Variants in SLC8A2 observed in about 807,000 individuals in gnomAD.
SLC8A2 encodes the protein solute carrier family 8 member A2.
SLC8A2 carries 14 observed loss-of-function variants against 70.2 expected under a neutral mutation model. The ratio of observed to expected loss-of-function variants is 0.20; its 90% CI spans 0.13 to 0.31. SLC8A2 has a LOEUF of 0.31. Among genes scored for constraint, SLC8A2 ranks in the 10% least tolerant of loss-of-function variants. SLC8A2 has a pLI of 1.00. For synonymous variants in SLC8A2, 575 were observed against 594.3 expected (o/e 0.97, Z 0.47); for missense variants, 779 against 1,320.1 (o/e 0.59, Z 6.35).
Position 47,465,678 on chromosome 19 carries a change from G to T in SLC8A2, c.675+51C>A. ...ACTCCAAGCCAAGAGCACCTCTCTG[G>T]ATTTTGCAGACACACATGCACCAAG... On this transcript the variant is annotated intron_variant, in intron 2 of 9. Coordinates refer to ENST00000236877, the MANE Select transcript of SLC8A2 (RefSeq NM_015063.3). This position sits in a 1 kb window ranked among gnomAD's most constrained non-coding sequence, Gnocchi z 5.5. 6.8e-7 allele frequency: 1 copy of T among 1,461,724 alleles called. No individual in the cohort carries two copies. Among genetic ancestry groups the T allele is most frequent in the South Asian group, 1.3e-5 (1 of 76,440 alleles). The allele number at this position is 1,461,724 out of a possible 1,614,324, so 90.5% of individuals were successfully genotyped here. A position where few individuals can be genotyped will look rare whatever the true frequency, so the allele number is the denominator to read the frequency against.
chr19:47,456,893 C>A (rs1304316547), intron 3 of SLC8A2, 37 bp downstream of exon 3: 3 of 1,537,398 alleles, frequency 2.0e-6, no homozygotes, highest in Non-Finnish European at 8.7e-7. Context: ...ACGGCCTGCG[C>A]CAGCCCCCTG....
chr19:47,461,780 C>T (rs956229113), intron 2 of SLC8A2, among the ~76,000 whole-genome samples: 1 of 152,226 alleles, frequency 6.6e-6, no homozygotes, highest in African/African-American at 2.4e-5. Context: ...AGAAGACAAT[C>T]CCAAACCCCT....
chr19:47,459,746 T>C (rs1364859172), intron 2 of SLC8A2, among the ~76,000 whole-genome samples: 1 of 151,558 alleles, frequency 6.6e-6, no homozygotes, highest in African/African-American at 2.4e-5. Flanking sequence ...TATGTGTACG[T>C]GTGTGTCCAT....
chr19:47,466,316 G>A lies in SLC8A2; in HGVS notation c.88C>T (p.Pro30Ser), dbSNP rs1327381474. The part of the protein sequence containing the change: ...GAATPTPSLP[P>S]PPANDSDTST... Reference sequence around the variant, plus strand: ...GTGTCGCTGTCATTGGCCGGGGGAGGCGGCAGGGAGGGGGTTGGGGTGGCT... The same window carrying A: ...GTGTCGCTGTCATTGGCCGGGGGAGACGGCAGGGAGGGGGTTGGGGTGGCT... Residue 30 changes from proline to serine, a missense_variant, in exon 2 of 10, where the codon CCT becomes TCT. By Grantham distance (74) the Pro-to-Ser change is moderately conservative. Coordinates refer to ENST00000236877, the MANE Select transcript of SLC8A2 (RefSeq NM_015063.3). This position sits in a 1 kb window ranked among gnomAD's most constrained non-coding sequence, Gnocchi z 6.9. 2.7e-6 allele frequency: 4 copies of A among 1,484,180 alleles called. No individual in the cohort carries two copies. The East Asian group carries it at 7.4e-5, about 27-fold the overall frequency. The allele number at this position is 1,484,180 out of a possible 1,614,324, so 91.9% of individuals were successfully genotyped here.
chr19:47,466,016 T>C lies in SLC8A2; in HGVS notation c.388A>G (p.Asn130Asp), dbSNP rs374433930. 1 of 1,614,024 alleles carries C rather than the reference T, an allele frequency of 6.2e-7. No individual in the cohort carries two copies. The highest frequency in any genetic ancestry group is 8.5e-7 in the Non-Finnish European group (1 of 1,180,032). The stretch of plus-strand genomic sequence containing the variant: ...GAGCCCAGGGCCATGAGCGTGAGGT[T>C]GGACACCGTCTCATTCCAGATGCGA... ...TVRIWNETVS[N>D]LTLMALGSSA... is the part of the protein sequence containing the mutation. Residue 130 changes from asparagine to aspartate, a missense_variant, in exon 2 of 10, where the codon AAC (asparagine) becomes GAC (aspartate). Transcript: ENST00000236877. The surrounding 1 kb of genome is among the most constrained non-coding windows in gnomAD (Gnocchi z 6.9).
chr19:47,470,225 G>A (rs1045779971), intron 1 of SLC8A2, among the ~76,000 whole-genome samples: 1 of 152,132 alleles, frequency 6.6e-6, no homozygotes, highest in African/African-American at 2.4e-5. Context: ...CTGATAATAC[G>A]TAAACTGAGG....
At chr19:47,443,260 AT>A (rs1354959246) in intron 4 of SLC8A2, among the ~76,000 whole-genome samples, 2 of 152,050 alleles carry the variant, frequency 1.3e-5, no homozygotes, top group Non-Finnish European at 2.9e-5. Flanking sequence ...ATGCTAACTG[AT>A]TTTCTCAGCA....
chr19:47,457,439 C>CG lies in SLC8A2; in HGVS notation c.830dup (p.Lys278GlufsTer17). ...ACGTGCCGTCCAGCTCGATGCTCTTCGGGGGGTCGCCCTCGGCGCCTATGA... is the reference window on the plus strand; with the variant it reads ...ACGTGCCGTCCAGCTCGATGCTCTTCGGGGGGGTCGCCCTCGGCGCCTATGA... On this transcript the variant is annotated frameshift_variant, in exon 3 of 10. Coordinates refer to ENST00000236877, the MANE Select transcript of SLC8A2 (RefSeq NM_015063.3). LOFTEE classifies it high-confidence loss of function. 4 of 1,603,924 alleles carry CG rather than the reference C, an allele frequency of 2.5e-6. No homozygotes were observed. The highest frequency in any genetic ancestry group is 3.4e-6 in the Non-Finnish European group (4 of 1,176,502).
intron 1 of SLC8A2, among the ~76,000 whole-genome samples, chr19:47,467,328 T>C (rs139669824): frequency 1.3e-5 from 2 of 152,208 alleles, no homozygotes; most frequent in East Asian, 3.8e-4. Context: ...GCTCTGAGTT[T>C]GTTAGGAGAT....
intron 4 of SLC8A2, among the ~76,000 whole-genome samples, chr19:47,446,316 C>T (rs1568442749): frequency 6.6e-6 from 1 of 151,082 alleles, no homozygotes; most frequent in East Asian, 1.9e-4. Context: ...GCTTCAGGCA[C>T]ACATTGGGGG....
At chr19:47,460,842 C>T (rs1249248534) in intron 2 of SLC8A2, among the ~76,000 whole-genome samples, 3 of 152,130 alleles carry the variant, frequency 2.0e-5, no homozygotes, top group African/African-American at 7.2e-5. Flanking sequence ...CACCAAGACT[C>T]GAGGGTTTGC....
intron 3 of SLC8A2, among the ~76,000 whole-genome samples, chr19:47,452,417 A>ATG (rs1402469373): frequency 8.9e-6 from 1 of 111,744 alleles, no homozygotes; most frequent in African/African-American, 3.6e-5. Context: ...AGAGAGAGAG[A>ATG]GAGAGAGAGA....
rs10670696 is a variant in SLC8A2, at chr19:47,469,119, CGTGTGTGT to C, written c.-17+2662_-17+2669del. ...AGCAAGCGAGGAGCATGCCTGTGTGCGTGTGTGTGTGTGTGTGTGTGTGTGTGTGTGTG... is the reference window on the plus strand; with the variant it reads ...AGCAAGCGAGGAGCATGCCTGTGTGCGTGTGTGTGTGTGTGTGTGTGTGTG... On this transcript the variant is annotated intron_variant, in intron 1 of 9. Transcript: ENST00000236877. 2.1e-3 allele frequency among the ~76,000 whole-genome samples: 294 copies of C among 143,250 alleles called. 3 individuals carry two copies. The highest frequency in any genetic ancestry group is 6.4e-3 in the African/African-American group (247 of 38,724). 94.0% of individuals were successfully genotyped at this position (143,250 alleles called of 152,430 possible).
chr19:47,470,791 C>T (rs1180839589), intron 1 of SLC8A2, among the ~76,000 whole-genome samples: 1 of 152,132 alleles, frequency 6.6e-6, no homozygotes, highest in Non-Finnish European at 1.5e-5. Flanking sequence ...GGTTAAACTG[C>T]AAGAAGGACC....
chr19:47,447,727 C>G lies in SLC8A2; in HGVS notation c.1763+82G>C. 3 of 1,386,482 alleles carry G rather than the reference C, an allele frequency of 2.2e-6. No individual in the cohort carries two copies. The highest frequency in any genetic ancestry group is 2.8e-6 in the Non-Finnish European group (3 of 1,053,658). 85.9% of individuals were successfully genotyped at this position (1,386,482 alleles called of 1,614,324 possible). The stretch of plus-strand genomic sequence containing the variant: ...CCGCCCACTATGTGGGCATGGCTCA[C>G]CCAGGCCCCGCCCCTGAGCCACATC... On this transcript the variant is annotated intron_variant, in intron 4 of 9. Transcript: ENST00000236877. The surrounding 1 kb of genome is among the most constrained non-coding windows in gnomAD (Gnocchi z 5.1).
chr19:47,436,407 G>A (rs539808249), intron 8 of SLC8A2, among the ~76,000 whole-genome samples: 1 of 152,246 alleles, frequency 6.6e-6, no homozygotes, highest in South Asian at 2.1e-4. Context: ...ACATAGGGTC[G>A]GGCCCAGAAG....
At chr19:47,453,316 G>A (rs1206112450) in intron 3 of SLC8A2, among the ~76,000 whole-genome samples, 3 of 152,222 alleles carry the variant, frequency 2.0e-5, no homozygotes, top group Non-Finnish European at 2.9e-5. Context: ...TATGAAGAGA[G>A]CTTCCTCAGA....
rs1485579865 is a variant in SLC8A2 at position 47,457,447 on chromosome 19, C to T, written c.823G>A (p.Asp275Asn). ...RSGIIIGAEGDPPKSIELDGT... is the reference protein window; with the variant it reads ...RSGIIIGAEGNPPKSIELDGT... ...TCCAGCTCGATGCTCTTCGGGGGGT[C>T]GCCCTCGGCGCCTATGATGATGCCG... The change falls in exon 3 of 10, where the codon GAC (aspartate) becomes AAC (asparagine). Residue 275 changes from aspartate to asparagine, a missense_variant. Asp to Asn is a conservative substitution (Grantham distance 23). Around this residue, in one of 6 missense-constraint regions of SLC8A2, gnomAD observed 186 missense variants for 246.6 expected, o/e 0.75. Coordinates refer to ENST00000236877, the MANE Select transcript of SLC8A2 (RefSeq NM_015063.3). 2.5e-6 allele frequency: 4 copies of T among 1,605,522 alleles called. No homozygotes were observed. In the Admixed American group the frequency reaches 6.8e-5, roughly 27 times the overall value.
At position 47,466,239 on chromosome 19, in the gene SLC8A2, C is replaced by T. The variant is rs1191975629; in HGVS notation, c.165G>A (p.Leu55=). ...ACGGGTCGTCGGGCTCCCACACGGG[C>T]AGCAGCACCCCCGGCTGGCAGCGGT... ...GSYRCQPGVL[L]PVWEPDDPSL... Residue 55 remains leucine, a synonymous_variant, in exon 2 of 10, where the codon CTG becomes CTA. Coordinates refer to ENST00000236877, the MANE Select transcript of SLC8A2 (RefSeq NM_015063.3). This position sits in a 1 kb window ranked among gnomAD's most constrained non-coding sequence, Gnocchi z 6.9. 1.2e-6 allele frequency: 2 copies of T among 1,604,196 alleles called. No homozygotes were observed. Among genetic ancestry groups the T allele is most frequent in the Admixed American group, 3.4e-5 (2 of 59,550 alleles).
Sources: allele counts gnomAD v4.1 joint callset (sites outside exome capture counted in the v4.1 genomes callset), GRCh38; gene constraint gnomAD v4.1.1; regional missense constraint gnomAD v4.1.1; non-coding constraint Gnocchi (gnomAD v3.1); transcripts MANE v1.5; gene names NCBI Gene and HGNC (gene_info 2026-07-23, HGNC 2026-07-21).